TMEM178B: variants seen among roughly 807,000 people sequenced by gnomAD.
The protein encoded by TMEM178B is transmembrane protein 178B.
In TMEM178B, 5 loss-of-function variants were observed where a neutral mutation model predicts 31.0. The ratio of observed to expected loss-of-function variants is 0.16; its 90% CI spans 0.08 to 0.34. The LOEUF is 0.34. TMEM178B is among the 10% of genes least tolerant of loss of function. The pLI is 1.00. For synonymous variants in TMEM178B, 164 were observed against 164.0 expected, an observed-to-expected ratio of 1.00 and a Z score of 0.00; for missense variants, 275 against 400.3, an observed-to-expected ratio of 0.69 and a Z score of 2.67.
intron 2 of TMEM178B, among the ~76,000 whole-genome samples, chr7:141,385,312 C>G (rs1800412194): frequency 6.6e-6 from 1 of 152,224 alleles, no homozygotes; most frequent in African/African-American, 2.4e-5. Context: ...AACCAGTCCC[C>G]TTGGGCTGTG....
intron 2 of TMEM178B, among the ~76,000 whole-genome samples, chr7:141,369,401 C>T (rs1012963459): frequency 1.3e-5 from 2 of 150,112 alleles, no homozygotes; most frequent in Admixed American, 1.3e-4. Context: ...ATAAATATCA[C>T]CATAGAGAAG....
chr7:141,305,436 CT>C (rs948152935), intron 2 of TMEM178B, among the ~76,000 whole-genome samples: 5 of 150,948 alleles, frequency 3.3e-5, no homozygotes, highest in Admixed American at 2.0e-4. Context: ...TTCTTTTTTT[CT>C]TTTTTTTTGA....
intron 2 of TMEM178B, among the ~76,000 whole-genome samples, chr7:141,325,812 G>A (rs944710124): frequency 2.4e-5 from 3 of 124,568 alleles, no homozygotes; most frequent in African/African-American, 1.1e-4. Context: ...AGTCATGGAA[G>A]ACAGCCCTGG....
intron 1 of TMEM178B, among the ~76,000 whole-genome samples, chr7:141,203,819 G>A (rs1203210384): frequency 6.6e-6 from 1 of 152,174 alleles, no homozygotes; most frequent in Non-Finnish European, 1.5e-5. Context: ...CATGTGGTCG[G>A]CATTGAATAG....
intron 2 of TMEM178B, among the ~76,000 whole-genome samples, chr7:141,269,713 A>G (rs745879313): frequency 3.3e-5 from 5 of 152,192 alleles, no homozygotes; most frequent in Non-Finnish European, 7.3e-5. Flanking sequence ...CTAGATATCG[A>G]TGACTTTATG....
At chr7:141,104,165 G>T (rs915962692) in intron 1 of TMEM178B, among the ~76,000 whole-genome samples, 1 of 152,144 alleles carries the variant, frequency 6.6e-6, no homozygotes, top group Non-Finnish European at 1.5e-5. Flanking sequence ...CCGACCTCCT[G>T]AGATGCAGGA....
At chr7:141,465,206 C>G (rs1291340943) in intron 3 of TMEM178B, among the ~76,000 whole-genome samples, 1 of 152,110 alleles carries the variant, frequency 6.6e-6, no homozygotes, top group African/African-American at 2.4e-5. Context: ...GAGTAGAAGC[C>G]CCCTCATCTG....
chr7:141,326,426 G>A (rs1368524509), intron 2 of TMEM178B, among the ~76,000 whole-genome samples: 1 of 152,164 alleles, frequency 6.6e-6, no homozygotes, highest in Non-Finnish European at 1.5e-5. Context: ...GAGGTATTCT[G>A]ATAAATAAAG....
Position 141,370,062 on chromosome 7 carries a change from G to A in TMEM178B, c.497-67546G>A, listed in dbSNP as rs1005553278. On this transcript the variant is annotated intron_variant, in intron 2 of 3. Transcript: ENST00000565468. ...AACTCACAGGCCTGAGGCAAGGGGG[G>A]CCTGCCCCAGGTAGGAGGGTCCTGG... Among the ~76,000 whole-genome samples the A allele has an allele frequency of 6.6e-5, 10 of 152,314 alleles. No individual in the cohort carries two copies. The East Asian group carries it at 1.7e-3, about 26-fold the overall frequency.
intron 2 of TMEM178B, among the ~76,000 whole-genome samples, chr7:141,252,308 G>T (rs956335046): frequency 1.3e-5 from 2 of 152,190 alleles, no homozygotes; most frequent in African/African-American, 4.8e-5. Context: ...GTCTCTTCTT[G>T]CTATTTTGGG....
In TMEM178B at chr7:141,160,691, G is replaced by A. The variant is rs1023476269; in HGVS notation, c.383-51900G>A. 1.1e-4 allele frequency among the ~76,000 whole-genome samples: 16 copies of A among 152,090 alleles called. No individual in the cohort carries two copies. In the East Asian group the frequency reaches 1.2e-3, roughly 11 times the overall value. Reference sequence around the variant, plus strand: ...GCACATGGGGCATATGTTCTGCACCGTTTTCCTTATGGTGGGTCTGAGTCA... The same window carrying A: ...GCACATGGGGCATATGTTCTGCACCATTTTCCTTATGGTGGGTCTGAGTCA... On this transcript the variant is annotated intron_variant, in intron 1 of 3. Transcript: ENST00000565468.
intron 2 of TMEM178B, among the ~76,000 whole-genome samples, chr7:141,217,790 G>A (rs1428508934): frequency 6.6e-6 from 1 of 152,022 alleles, no homozygotes; most frequent in Non-Finnish European, 1.5e-5. Flanking sequence ...GAGCTCAGAT[G>A]TTCTCATTCT....
chr7:141,413,697 C>T (rs991108439), intron 2 of TMEM178B, among the ~76,000 whole-genome samples: 14 of 152,204 alleles, frequency 9.2e-5, no homozygotes, highest in East Asian at 3.8e-4. Context: ...ACAGCTTCTG[C>T]GCAGACGATG....
At position 141,479,471 on chromosome 7, in the gene TMEM178B, G is replaced by A. The variant is rs1802435974; in HGVS notation, c.*8685G>A. The A allele has an allele frequency of 6.6e-6, 1 of 152,158 alleles. No homozygotes were observed. The highest frequency in any genetic ancestry group is 2.4e-5 in the African/African-American group (1 of 41,410). 9.4% of individuals were successfully genotyped at this position (152,158 alleles called of 1,614,324 possible). On this transcript the variant is annotated 3_prime_UTR_variant, in exon 4 of 4. Transcript: ENST00000565468. ...ATTGCCTACCTCTCTTCCCTGCCTG[G>A]AGACCTTCCTTAGGATTGAAGAAAC...
At chr7:141,092,216 T>C (rs964899363) in intron 1 of TMEM178B, among the ~76,000 whole-genome samples, 5 of 152,184 alleles carry the variant, frequency 3.3e-5, no homozygotes, top group Admixed American at 1.3e-4. Flanking sequence ...TTTAAAAAAA[T>C]CTTGTAATCT....
rs138585563 is a variant in TMEM178B, at chr7:141,446,924, T to G, written c.634+9179T>G. On this transcript the variant is annotated intron_variant, in intron 3 of 3. Transcript: ENST00000565468. Reference sequence around the variant, plus strand: ...TTTAGTGACACTGCCCTGAGCAGCATCATCCCATCACTACCAATGCCACAC... The same window carrying G: ...TTTAGTGACACTGCCCTGAGCAGCAGCATCCCATCACTACCAATGCCACAC... 1.2e-4 allele frequency among the ~76,000 whole-genome samples: 18 copies of G among 152,282 alleles called. No individual in the cohort carries two copies. In the East Asian group the frequency reaches 2.7e-3, roughly 23 times the overall value.
chr7:141,164,785 A>G (rs1441881124), intron 1 of TMEM178B, among the ~76,000 whole-genome samples: 1 of 152,126 alleles, frequency 6.6e-6, no homozygotes, highest in Non-Finnish European at 1.5e-5. Context: ...TAAGAGGGCA[A>G]TGAGTGTCGT....
chr7:141,208,214 A>T (rs1796996698), intron 1 of TMEM178B, among the ~76,000 whole-genome samples: 1 of 150,856 alleles, frequency 6.6e-6, no homozygotes, highest in Non-Finnish European at 1.5e-5. Context: ...TAAATAAATA[A>T]ATAAATAAGT....
At chr7:141,199,778 G>T (rs570834240) in intron 1 of TMEM178B, among the ~76,000 whole-genome samples, 2 of 152,136 alleles carry the variant, frequency 1.3e-5, no homozygotes, top group East Asian at 1.9e-4. Context: ...TTGGCAGGGC[G>T]CAGTGGCTCA....
Sources: gnomAD v4.1 joint callset for allele counts (sites outside exome capture counted in the v4.1 genomes callset) on GRCh38, gnomAD v4.1.1 for gene constraint, MANE v1.5 for transcripts, NCBI Gene and HGNC (gene_info 2026-07-23, HGNC 2026-07-21) for gene names.